The following EIF2D variants were observed in gnomAD, a reference collection of about 807,000 sequenced individuals.
EIF2D encodes hepatocellular carcinoma-associated antigen 56.
In EIF2D, 56 loss-of-function variants were observed where a neutral mutation model predicts 77.4. That is an observed-to-expected ratio of 0.72 (90% confidence interval 0.58 to 0.90). EIF2D has a LOEUF of 0.90. Ranked by LOEUF, EIF2D falls within the 40% of genes least tolerant of loss-of-function variation. The pLI is 0.00. For missense variants in EIF2D, 574 were observed against 706.5 expected (o/e 0.81, Z 2.13); for synonymous variants, 230 against 271.0 (o/e 0.85, Z 1.49).
At chr1:206,580,330 G>A (rs996768490) in intron 4 of EIF2D, among the ~76,000 whole-genome samples, 3 of 152,194 alleles carry the variant, frequency 2.0e-5, no homozygotes, top group Non-Finnish European at 4.4e-5. Context: ...AGATCTTTCC[G>A]AAGCTTCTAG....
chr1:206,599,388 G>A lies in EIF2D; in HGVS notation c.1202+75C>T, dbSNP rs148625995. On this transcript the variant is annotated intron_variant, in intron 10 of 14. Transcript: ENST00000271764. This position sits in a 1 kb window ranked among gnomAD's most constrained non-coding sequence, Gnocchi z 4.1. Reference sequence around the variant, plus strand: ...AGCAGGTTTTGCCAGTCGCAAAAGAGCACTACTCAGGTTGAGAGGAACTGT... The same window carrying A: ...AGCAGGTTTTGCCAGTCGCAAAAGAACACTACTCAGGTTGAGAGGAACTGT... The A allele has an allele frequency of 8.8e-5, 138 of 1,564,526 alleles. No individual in the cohort carries two copies. Among genetic ancestry groups the A allele is most frequent in the African/African-American group, 6.9e-4 (51 of 73,506 alleles).
chr1:206,581,355 T>TG (rs1668866817), intron 2 of EIF2D, among the ~76,000 whole-genome samples: 1 of 152,096 alleles, frequency 6.6e-6, no homozygotes, highest in Non-Finnish European at 1.5e-5. Flanking sequence ...GCCAGCACTT[T>TG]GGGAGGCCAA....
chr1:206,603,170 C>G lies in EIF2D; in HGVS notation c.565G>C (p.Ala189Pro). ...TCTGCTGAATCCAGGGCCAGTGGAG[C>G]AATGGAAGGTGGAGAGGACTTGTTT... ...SGNKSSPPSI[A>P]PLALDSADLS... The change falls in exon 6 of 15, where the codon GCT (alanine) becomes CCT (proline). Residue 189 changes from alanine to proline, a missense_variant. Physicochemically the swap from Ala to Pro is conservative, Grantham distance 27 (BLOSUM62 -1). Transcript: ENST00000271764. 6.2e-7 allele frequency: 1 copy of G among 1,614,060 alleles called. No individual in the cohort carries two copies. Among genetic ancestry groups the G allele is most frequent in the African/African-American group, 1.3e-5 (1 of 75,004 alleles).
At chr1:206,586,664 C>T (rs1553407695), downstream of EIF2D, 9 of 639,466 alleles carry the variant, frequency 1.4e-5, no homozygotes, top group Non-Finnish European at 2.5e-5. Context: ...GACAGGCATG[C>T]AAAGCCCAGG....
rs111533231 is a variant in EIF2D, at chr1:206,597,279, G to A, written c.1293-84C>T. On this transcript the variant is annotated intron_variant, in intron 11 of 14. Coordinates refer to ENST00000271764, the MANE Select transcript of EIF2D (RefSeq NM_006893.3). The stretch of plus-strand genomic sequence containing the variant: ...CTAATTCAGGATTCATCTCTCGTAC[G>A]GCCTTTATAGACATTCAGGATATGA... The A allele has an allele frequency of 8.6e-5, 84 of 971,616 alleles. 4 individuals are homozygous for A. Among genetic ancestry groups the A allele is most frequent in the African/African-American group, 5.5e-4 (34 of 61,704 alleles). 60.2% of individuals were successfully genotyped at this position (971,616 alleles called of 1,614,324 possible). A position where few individuals can be genotyped will look rare whatever the true frequency, so the allele number is the denominator to read the frequency against.
At chr1:206,593,508 A>AGAGAGAGAGTGTGTGT (rs10533643) in intron 14 of EIF2D, 111 bp downstream of exon 14, 2 of 365,910 alleles carry the variant, frequency 5.5e-6, no homozygotes, top group African/African-American at 4.8e-5. Flanking sequence ...AGAGAGAGAG[A>AGAGAGAGAGTGTGTGT]GTGTGTGTGT....
At chr1:206,585,542 T>G in intron 2 of EIF2D, 1 of 348,032 alleles carries the variant, frequency 2.9e-6, no homozygotes, top group Non-Finnish European at 5.3e-6. Flanking sequence ...GGATTTCATG[T>G]GCTTTATTTC....
At position 206,577,551 on chromosome 1, in the gene EIF2D, A is replaced by T. The variant is rs560335691; in HGVS notation, c.*254+3141T>A. On this transcript the variant is annotated intron_variant and NMD_transcript_variant, in intron 4 of 5. Transcript: ENST00000472709. ...GAGATTATCTGACTTTCTCAAGATC[A>T]TGTAGTTAGTCATGGGAGTCAGAAG... is the stretch of plus-strand genomic sequence containing the variant. Among the ~76,000 whole-genome samples, 195 of 152,344 alleles carry T rather than the reference A, an allele frequency of 1.3e-3. 1 individual carries two copies. The highest frequency in any genetic ancestry group is 4.5e-3 in the African/African-American group (187 of 41,582).
intron 2 of EIF2D, among the ~76,000 whole-genome samples, chr1:206,581,344 T>C (rs954269315): frequency 1.3e-5 from 2 of 152,148 alleles, no homozygotes; most frequent in Non-Finnish European, 2.9e-5. Context: ...ACACCTGTAA[T>C]GCCAGCACTT....
intron 5 of EIF2D, among the ~76,000 whole-genome samples, chr1:206,603,720 G>A (rs142961866): frequency 1.3e-3 from 198 of 152,330 alleles, no homozygotes; most frequent in African/African-American, 4.1e-3. Context: ...GCAGTCTAAC[G>A]TGGAAAGCAG....
At chr1:206,607,149 C>T (rs1294570410) in intron 4 of EIF2D, among the ~76,000 whole-genome samples, 1 of 151,970 alleles carries the variant, frequency 6.6e-6, no homozygotes, top group Admixed American at 6.5e-5. Flanking sequence ...TTATTTAACA[C>T]ACAGTTAAAG....
chr1:206,591,896 G>A (rs532332351), intron 14 of EIF2D, 51 bp from the exon 15 acceptor site: 152 of 1,588,286 alleles, frequency 9.6e-5, no homozygotes, highest in Admixed American at 1.7e-4. Context: ...CTTGCTCCCC[G>A]GCTGGCCCTC....
At chr1:206,596,434 A>C (rs1483649209) in intron 12 of EIF2D, among the ~76,000 whole-genome samples, 1 of 152,242 alleles carries the variant, frequency 6.6e-6, no homozygotes, top group Non-Finnish European at 1.5e-5. Flanking sequence ...CACAGACAAC[A>C]CATAAATGGA....
chr1:206,591,968 C>A (rs1279957397), intron 14 of EIF2D, 123 bp from the exon 15 acceptor site: 2 of 854,156 alleles, frequency 2.3e-6, no homozygotes, highest in Admixed American at 1.9e-5. Flanking sequence ...TCGGGACTGA[C>A]CACTTACGCC....
At position 206,593,838 on chromosome 1, in the gene EIF2D, C is replaced by T. The variant is rs550831474; in HGVS notation, c.1510-45G>A. 3 of 1,552,110 alleles carry T rather than the reference C, an allele frequency of 1.9e-6. No individual in the cohort carries two copies. In the South Asian group the frequency reaches 3.6e-5, roughly 19 times the overall value. On this transcript the variant is annotated intron_variant, in intron 13 of 14. Transcript: ENST00000271764. ...AGAGACTGACGGTGGTGACTGCATT[C>T]CCTTCCCTCCAGAGGGCCTTCCAGA...
At chr1:206,609,314 A>G in intron 3 of EIF2D, 62 bp downstream of exon 3, 1 of 1,475,488 alleles carries the variant, frequency 6.8e-7, no homozygotes, top group Non-Finnish European at 9.4e-7. Flanking sequence ...AGTTTATTAC[A>G]TCAGTTGGCT....
At chr1:206,594,974 T>C (rs1669577744) in intron 13 of EIF2D, 1 of 152,202 alleles carries the variant, frequency 6.6e-6, no homozygotes, top group South Asian at 2.1e-4. Flanking sequence ...TCTAAGTGCT[T>C]CAGCCATGTA....
At chr1:206,573,583 T>G (rs1270540613) in intron 4 of EIF2D, among the ~76,000 whole-genome samples, 1 of 152,218 alleles carries the variant, frequency 6.6e-6, no homozygotes, top group Non-Finnish European at 1.5e-5. Flanking sequence ...AAGCAAGTAT[T>G]GAGCAAGTAT....
At chr1:206,578,824 A>G (rs1668758680) in intron 4 of EIF2D, among the ~76,000 whole-genome samples, 1 of 152,156 alleles carries the variant, frequency 6.6e-6, no homozygotes, top group Non-Finnish European at 1.5e-5. Flanking sequence ...TTAGGGCATT[A>G]GGTCACTCTC....
Sources: allele counts gnomAD v4.1 joint callset (sites outside exome capture counted in the v4.1 genomes callset), GRCh38; gene constraint gnomAD v4.1.1; non-coding constraint Gnocchi (gnomAD v3.1); transcripts MANE v1.5; gene names NCBI Gene and HGNC (gene_info 2026-07-23, HGNC 2026-07-21).